Variants in CERK observed in about 807,000 individuals in gnomAD.
CERK encodes acylsphingosine kinase.
A neutral mutation model predicts 63.4 loss-of-function variants in CERK; 39 were observed. That is an observed-to-expected ratio of 0.61 (90% CI 0.48 to 0.80). The LOEUF (loss-of-function observed/expected upper bound fraction) is 0.80. Ranked by LOEUF, CERK falls within the 30% of genes least tolerant of loss-of-function variation. The probability of loss-of-function intolerance (pLI) is 0.00; values close to 1 mark genes in which losing one functional copy is unlikely to be tolerated. For missense variants in CERK, 670 were observed against 714.1 expected (o/e 0.94, Z 0.70); for synonymous variants, 302 against 280.0 (o/e 1.08, Z -0.78).
intron 8 of CERK, among the ~76,000 whole-genome samples, chr22:46,697,484 T>G (rs923393397): frequency 6.6e-6 from 1 of 152,028 alleles, no homozygotes; most frequent in Non-Finnish European, 1.5e-5. Context: ...GGGGTCTCCC[T>G]ATGTCGCCCA....
chr22:46,686,295 CCCT>C lies in CERK; in HGVS notation c.*836_*838del, dbSNP rs1289819807. On this transcript the variant is annotated 3_prime_UTR_variant, in exon 13 of 13. Transcript: ENST00000216264. ...AGTCCTGCGGGAGTCCAGGACCGGC[CCCT>C]CCTCCACGGATGGCCAGCTTCCTCC... 1.3e-5 allele frequency: 2 copies of C among 152,248 alleles called. No individual in the cohort carries two copies. The highest frequency in any genetic ancestry group is 4.8e-5 in the African/African-American group (2 of 41,444). The allele number at this position is 152,248 out of a possible 1,614,324, so 9.4% of individuals were successfully genotyped here. A position where few individuals can be genotyped will look rare whatever the true frequency, so the allele number is the denominator to read the frequency against.
chr22:46,737,230 T>C (rs1035093440), intron 1 of CERK, among the ~76,000 whole-genome samples: 72 of 146,474 alleles, frequency 4.9e-4, no homozygotes, highest in Non-Finnish European at 8.3e-4. Context: ...GAGGCGGAGG[T>C]GCAGTGAGCC....
intron 10 of CERK, 82 bp from the exon 11 acceptor site, chr22:46,691,859 C>G: frequency 8.0e-5 from 81 of 1,010,312 alleles, no homozygotes; most frequent in East Asian, 8.0e-5. Context: ...GGAGGCCATT[C>G]GGGCTCTCAC....
rs373371461 is a variant in CERK at position 46,691,615 on chromosome 22, T to C, written c.1289A>G (p.Asn430Ser). ...GTGCCTGATGAGAAATCTCAGAAAA[T>C]TGAACCTGGAGCATTTCCGGATGAG... ...LILIRKCSRFNFLRFLIRHTN... is the reference protein window; with the variant it reads ...LILIRKCSRFSFLRFLIRHTN... Residue 430 changes from asparagine (N) to serine (S), a missense_variant, in exon 11 of 13, where the codon AAT becomes AGT. Asn to Ser is a conservative substitution (Grantham distance 46). Transcript: ENST00000216264. 4.3e-6 allele frequency: 7 copies of C among 1,613,746 alleles called. No homozygotes were observed. The highest frequency in any genetic ancestry group is 1.6e-4 in the Middle Eastern group (1 of 6,084).
rs774745621 is a variant in CERK at position 46,711,106 on chromosome 22, A to G, written c.549T>C (p.Ile183=). 4.3e-6 allele frequency: 7 copies of G among 1,613,682 alleles called. No homozygotes were observed. The Admixed American group carries it at 1.0e-4, about 23-fold the overall frequency. Residue 183 remains isoleucine, a synonymous_variant, in exon 5 of 13, where the codon ATT becomes ATC. Coordinates refer to ENST00000216264, the MANE Select transcript of CERK (RefSeq NM_022766.6). Reference sequence around the variant, plus strand: ...CTCACCCGTCGTATTTGTCTATGTTAATCTCATACAGAGTCTCCTTGGCCT... The same window carrying G: ...CTCACCCGTCGTATTTGTCTATGTTGATCTCATACAGAGTCTCCTTGGCCT... ...ANQAKETLYE[I]NIDKYDGIVC...
intron 9 of CERK, chr22:46,693,960 C>T (rs1159618239): frequency 2.9e-5 from 5 of 173,798 alleles, no homozygotes; most frequent in East Asian, 1.7e-4. Context: ...TCGTCTAGCA[C>T]GTCCTTCTGA....
At chr22:46,693,313 G>T in intron 10 of CERK, 114 bp downstream of exon 10, 3 of 843,986 alleles carry the variant, frequency 3.6e-6, no homozygotes, top group Admixed American at 2.0e-5. Context: ...GTGCCAGACA[G>T]GAAAAAGGAA....
chr22:46,695,199 A>G lies in CERK; in HGVS notation c.1049+11T>C, dbSNP rs1406536916. ...CATTTGCAAGAGAAACACACAAAGC[A>G]ATGCACTTACCCTGCCCGGCAGGGC... is the stretch of plus-strand genomic sequence containing the variant. On this transcript the variant is annotated intron_variant, in intron 9 of 12. Transcript: ENST00000216264. 4 of 1,342,930 alleles carry G rather than the reference A, an allele frequency of 3.0e-6. No individual in the cohort carries two copies. Among genetic ancestry groups the G allele is most frequent in the Non-Finnish European group, 4.2e-6 (4 of 943,064 alleles). The allele number at this position is 1,342,930 out of a possible 1,614,324, so 83.2% of individuals were successfully genotyped here. A position where few individuals can be genotyped will look rare whatever the true frequency, so the allele number is the denominator to read the frequency against.
rs1477492907 is a variant in CERK at position 46,684,478 on chromosome 22, G to C, written c.*2656C>G. ...TCAAATAATGCCATTTTCTAATCTTGAAACCAGCAAGATTAGAAAGAGAAT... is the reference window on the plus strand; with the variant it reads ...TCAAATAATGCCATTTTCTAATCTTCAAACCAGCAAGATTAGAAAGAGAAT... On this transcript the variant is annotated 3_prime_UTR_variant, in exon 13 of 13. Transcript: ENST00000216264. 2 of 152,132 alleles carry C rather than the reference G, an allele frequency of 1.3e-5. No homozygotes were observed. Among genetic ancestry groups the C allele is most frequent in the African/African-American group, 2.4e-5 (1 of 41,420 alleles). The allele number at this position is 152,132 out of a possible 1,614,324, so 9.4% of individuals were successfully genotyped here.
chr22:46,695,254 T>A lies in CERK; in HGVS notation c.1005A>T (p.Gln335His). 1.2e-6 allele frequency: 2 copies of A among 1,612,174 alleles called. No individual in the cohort carries two copies. Among genetic ancestry groups the A allele is most frequent in the Non-Finnish European group, 1.7e-6 (2 of 1,178,308 alleles). ...TATCCCTTGGAGATCCCACCGTGTG[T>A]TGTGCAGGGAGGAAGGACACTGTCC... Reference protein sequence around the residue: ...YEGTVSFLPAQHTVGSPRDRK... With the variant: ...YEGTVSFLPAHHTVGSPRDRK... The change falls in exon 9 of 13, where the codon CAA (glutamine) becomes CAT (histidine). Residue 335 changes from glutamine (Q) to histidine (H), a missense_variant. Gln to His is a conservative substitution (Grantham distance 24). Transcript: ENST00000216264.
chr22:46,686,801 T>C lies in CERK; in HGVS notation c.*333A>G, dbSNP rs2082703661. On this transcript the variant is annotated 3_prime_UTR_variant, in exon 13 of 13. Transcript: ENST00000216264. Reference sequence around the variant, plus strand: ...TGTGACCTGCGTGGAAATCATATAATGTCCCTAACATTATTGCAATAGAGC... The same window carrying C: ...TGTGACCTGCGTGGAAATCATATAACGTCCCTAACATTATTGCAATAGAGC... The C allele has an allele frequency of 3.9e-6, 1 of 254,514 alleles. No homozygotes were observed. Among genetic ancestry groups the C allele is most frequent in the Non-Finnish European group, 7.7e-6 (1 of 129,326 alleles). 15.8% of individuals were successfully genotyped at this position (254,514 alleles called of 1,614,324 possible). A position where few individuals can be genotyped will look rare whatever the true frequency, so the allele number is the denominator to read the frequency against.
intron 1 of CERK, chr22:46,735,588 A>G (rs752765107): frequency 1.3e-5 from 2 of 152,254 alleles, no homozygotes; most frequent in African/African-American, 2.4e-5. Context: ...CTTTGTCTTT[A>G]GCCCATTGGT....
At chr22:46,723,877 T>C (rs2082904969) in intron 1 of CERK, among the ~76,000 whole-genome samples, 1 of 152,056 alleles carries the variant, frequency 6.6e-6, no homozygotes, top group African/African-American at 2.4e-5. Context: ...TTTGTACTTT[T>C]AGTAGAGACG....
chr22:46,686,174 G>A lies in CERK; in HGVS notation c.*960C>T, dbSNP rs544983034. On this transcript the variant is annotated 3_prime_UTR_variant, in exon 13 of 13. Coordinates refer to ENST00000216264, the MANE Select transcript of CERK (RefSeq NM_022766.6). The stretch of plus-strand genomic sequence containing the variant: ...CAGTTTACACTACTCTGGCTTAAAA[G>A]GACAAGATGTTCAATAAATATAGAG... 6.6e-6 allele frequency: 1 copy of A among 152,100 alleles called. No individual in the cohort carries two copies. The highest frequency in any genetic ancestry group is 1.5e-5 in the Non-Finnish European group (1 of 68,034). 9.4% of individuals were successfully genotyped at this position (152,100 alleles called of 1,614,324 possible).
chr22:46,688,886 T>G (rs937116181), intron 12 of CERK, among the ~76,000 whole-genome samples: 1 of 152,252 alleles, frequency 6.6e-6, no homozygotes, highest in Non-Finnish European at 1.5e-5. Context: ...CGTTCCCCAG[T>G]CTCATGTAAT....
intron 5 of CERK, among the ~76,000 whole-genome samples, chr22:46,708,504 T>C (rs1424804311): frequency 1.3e-5 from 2 of 152,126 alleles, no homozygotes; most frequent in Admixed American, 6.5e-5. Flanking sequence ...AGGCAGCAAA[T>C]CACCAGCCGT....
chr22:46,695,327 G>A lies in CERK; in HGVS notation c.944-12C>T. On this transcript the variant is annotated splice_polypyrimidine_tract_variant and intron_variant, in intron 8 of 12. Transcript: ENST00000216264. ...GAAGGTCTTTAAACCTGGGAACAGAGTGCAGTGAAGAAAAAACATCCACAA... is the reference window on the plus strand; with the variant it reads ...GAAGGTCTTTAAACCTGGGAACAGAATGCAGTGAAGAAAAAACATCCACAA... 1 of 1,458,504 alleles carries A rather than the reference G, an allele frequency of 6.9e-7. No homozygotes were observed. Among genetic ancestry groups the A allele is most frequent in the Non-Finnish European group, 9.6e-7 (1 of 1,038,160 alleles). The allele number at this position is 1,458,504 out of a possible 1,614,324, so 90.3% of individuals were successfully genotyped here.
intron 10 of CERK, among the ~76,000 whole-genome samples, chr22:46,692,968 T>C (rs917740175): frequency 6.7e-5 from 10 of 149,300 alleles, no homozygotes; most frequent in Admixed American, 4.0e-4. Flanking sequence ...TTTTGTGACA[T>C]GTGGAAATTC....
chr22:46,737,301 A>AC (rs3083470), intron 1 of CERK, among the ~76,000 whole-genome samples: 7 of 45,010 alleles, frequency 1.6e-4, no homozygotes, highest in South Asian at 9.8e-4. Context: ...CAAAAAAAAA[A>AC]AAAAACAAAA....
Sources: gnomAD v4.1 joint callset for allele counts (sites outside exome capture counted in the v4.1 genomes callset) on GRCh38, gnomAD v4.1.1 for gene constraint, MANE v1.5 for transcripts, NCBI Gene and HGNC (gene_info 2026-07-23, HGNC 2026-07-21) for gene names.